The following ARNT variants were observed in gnomAD, a reference collection of about 807,000 sequenced individuals.
The protein encoded by ARNT is class E basic helix-loop-helix protein 2.
Under a neutral mutation model 105.0 loss-of-function variants are expected in ARNT, and 30 were observed. That is an observed-to-expected ratio of 0.29 (90% CI 0.21 to 0.39). The LOEUF (loss-of-function observed/expected upper bound fraction) is 0.39, where lower values mean the gene tolerates loss of function less well. Ranked by LOEUF, ARNT falls within the 10% of genes least tolerant of loss-of-function variation. The probability of loss-of-function intolerance (pLI) is 1.00; values close to 1 mark genes in which losing one functional copy is unlikely to be tolerated. For missense variants in ARNT, 748 were observed against 978.7 expected, an observed-to-expected ratio of 0.76 and a Z score of 3.15; for synonymous variants, 304 against 344.0, an observed-to-expected ratio of 0.88 and a Z score of 1.29.
intron 1 of ARNT, 98 bp downstream of exon 1, chr1:150,876,445 T>C: frequency 7.7e-7 from 1 of 1,303,334 alleles, no homozygotes; most frequent in South Asian, 1.4e-5. Flanking sequence ...CCCCGGCGCC[T>C]TCAGCTCCAG....
intron 14 of ARNT, 24 bp from the exon 15 acceptor site, chr1:150,818,054 AAG>A (rs906379917): frequency 4.4e-5 from 61 of 1,376,094 alleles, no homozygotes; most frequent in Admixed American, 7.6e-5. Flanking sequence ...GTAGACAGTA[AAG>A]AGGGGGTGGA....
chr1:150,841,908 C>A (rs1287984882), intron 5 of ARNT, among the ~76,000 whole-genome samples: 1 of 152,140 alleles, frequency 6.6e-6, no homozygotes, highest in Non-Finnish European at 1.5e-5. Flanking sequence ...TAGAAAACTA[C>A]CGCAAGAAAG....
Position 150,842,414 on chromosome 1 carries a change from G to C in ARNT, c.272+10C>G, listed in dbSNP as rs755002645. 1.5e-5 allele frequency: 24 copies of C among 1,611,602 alleles called. 1 individual carries two copies. The South Asian group carries it at 2.2e-4, about 15-fold the overall frequency. ...CTGCTTCATCATGCTAAAAGACACT[G>C]TTCTCCTACCTGGCAAGTCTCTCTT... On this transcript the variant is annotated intron_variant, in intron 5 of 21. Transcript: ENST00000358595.
chr1:150,863,143 C>T (rs1476302590), intron 1 of ARNT, among the ~76,000 whole-genome samples: 2 of 151,352 alleles, frequency 1.3e-5, no homozygotes, highest in Admixed American at 6.6e-5. Context: ...GTGGGTAGAT[C>T]ACTTAAGGTC....
intron 21 of ARNT, chr1:150,812,629 T>TA (rs1336811454): frequency 6.5e-6 from 1 of 152,794 alleles, no homozygotes; most frequent in Non-Finnish European, 1.5e-5. Flanking sequence ...GTGTCATCCT[T>TA]ACGCAGGGGC....
At chr1:150,860,163 A>C (rs972833466) in intron 1 of ARNT, among the ~76,000 whole-genome samples, 4 of 151,708 alleles carry the variant, frequency 2.6e-5, no homozygotes, top group African/African-American at 9.7e-5. Context: ...TTGTGCATCA[A>C]ATAACACTAC....
intron 1 of ARNT, among the ~76,000 whole-genome samples, chr1:150,860,039 A>G (rs1382490539): frequency 2.0e-5 from 3 of 151,464 alleles, no homozygotes; most frequent in African/African-American, 4.8e-5. Flanking sequence ...TTCTCTTAGT[A>G]AAAAATGGAG....
intron 13 of ARNT, among the ~76,000 whole-genome samples, chr1:150,824,063 G>A (rs138437787): frequency 0.058 from 8,813 of 150,956 alleles, 838 homozygotes; most frequent in African/African-American, 0.2. Flanking sequence ...GGATGGTCTC[G>A]ATTTCCCGAC....
intron 14 of ARNT, among the ~76,000 whole-genome samples, chr1:150,819,934 T>C (rs1656717786): frequency 6.6e-6 from 1 of 152,118 alleles, no homozygotes; most frequent in African/African-American, 2.4e-5. Context: ...ATATATCTCA[T>C]AAAACTTTTT....
At chr1:150,873,659 C>T (rs772615661) in intron 1 of ARNT, among the ~76,000 whole-genome samples, 10 of 152,122 alleles carry the variant, frequency 6.6e-5, no homozygotes, top group South Asian at 4.1e-4. Context: ...TGGCTCACAC[C>T]TATAATCCCA....
intron 14 of ARNT, among the ~76,000 whole-genome samples, chr1:150,820,469 C>A (rs1404427668): frequency 6.6e-6 from 1 of 152,094 alleles, no homozygotes; most frequent in Non-Finnish European, 1.5e-5. Flanking sequence ...CCAGACTCTG[C>A]AACATGGAAA....
At chr1:150,846,984 T>C (rs1457558692) in intron 3 of ARNT, among the ~76,000 whole-genome samples, 2 of 152,248 alleles carry the variant, frequency 1.3e-5, no homozygotes, top group African/African-American at 4.8e-5. Flanking sequence ...CCCTTGTATG[T>C]ACATACTACA....
At position 150,858,352 on chromosome 1, in the gene ARNT, G is replaced by C. The variant is rs1664992987; in HGVS notation, c.134C>G (p.Pro45Arg). 1 of 1,603,280 alleles carries C rather than the reference G, an allele frequency of 6.2e-7. No homozygotes were observed. The highest frequency in any genetic ancestry group is 1.3e-5 in the African/African-American group (1 of 74,906). The change falls in exon 2 of 22, where the codon CCA (proline) becomes CGA (arginine). Residue 45 changes from proline (P) to arginine (R), a missense_variant. Pro to Arg is a moderately radical substitution (Grantham distance 103, BLOSUM62 -2). This residue lies in a region of ARNT where 93 missense variants were observed against 101.6 expected (regional missense o/e 0.92). Transcript: ENST00000358595. ...AIVQRAIKRR[P>R]GLDFDDDGEG... ...AACACACTACACTCAAACTCACCCTGGTCGCCGCTTAATAGCCCTCTGGAC... is the reference window on the plus strand; with the variant it reads ...AACACACTACACTCAAACTCACCCTCGTCGCCGCTTAATAGCCCTCTGGAC...
In ARNT at chr1:150,862,156, C is replaced by G. The variant is rs587674375; in HGVS notation, c.26-3696G>C. ...TTCTTTTTAACAGTTACATAGTACT[C>G]TGTACTATAAATGTATAGTTATGAC... On this transcript the variant is annotated intron_variant, in intron 1 of 21. Transcript: ENST00000358595. Among the ~76,000 whole-genome samples, 6 of 152,194 alleles carry G rather than the reference C, an allele frequency of 3.9e-5. 1 individual carries two copies. In the South Asian group the frequency reaches 6.2e-4, roughly 16 times the overall value.
intron 2 of ARNT, among the ~76,000 whole-genome samples, chr1:150,857,222 T>C (rs944081988): frequency 3.3e-5 from 5 of 152,212 alleles, no homozygotes; most frequent in African/African-American, 1.2e-4. Context: ...TATTTGTCGC[T>C]TATAACTACA....
intron 1 of ARNT, among the ~76,000 whole-genome samples, chr1:150,864,736 C>A (rs1184308704): frequency 7.2e-6 from 1 of 138,672 alleles, no homozygotes; most frequent in African/African-American, 2.7e-5. Context: ...ACAATGTGCA[C>A]ATGTACCCTA....
intron 6 of ARNT, among the ~76,000 whole-genome samples, chr1:150,837,744 C>T (rs1194532257): frequency 1.3e-5 from 2 of 152,092 alleles, no homozygotes; most frequent in African/African-American, 2.4e-5. Flanking sequence ...ACATGACTAA[C>T]GTTTTTTCCT....
At chr1:150,850,269 A>G (rs970380175) in intron 3 of ARNT, among the ~76,000 whole-genome samples, 3 of 151,052 alleles carry the variant, frequency 2.0e-5, no homozygotes, top group African/African-American at 7.3e-5. Flanking sequence ...CCCTCTCCCC[A>G]CGGTCTCCCT....
chr1:150,839,752 G>A, intron 5 of ARNT, 98 bp from the exon 6 acceptor site: 2 of 1,257,478 alleles, frequency 1.6e-6, no homozygotes, highest in South Asian at 1.4e-5. Context: ...GCTGAAGAAT[G>A]TGGTATTCAG....
Sources: allele counts gnomAD v4.1 joint callset (sites outside exome capture counted in the v4.1 genomes callset), GRCh38; gene constraint gnomAD v4.1.1; regional missense constraint gnomAD v4.1.1; transcripts MANE v1.5; gene names NCBI Gene and HGNC (gene_info 2026-07-23, HGNC 2026-07-21).